The following GRM5 variants were observed in gnomAD, a reference collection of about 807,000 sequenced individuals.
GRM5 encodes the protein glutamate metabotropic receptor 5, also known as metabotropic glutamate receptor 5.
GRM5 carries 19 observed loss-of-function variants against 83.1 expected under a neutral mutation model. The observed-to-expected ratio is 0.23, with a 90% CI of 0.16 to 0.34. The LOEUF (loss-of-function observed/expected upper bound fraction) is 0.34, where lower values mean the gene tolerates loss of function less well. Among genes scored for constraint, GRM5 ranks in the 10% least tolerant of loss-of-function variants. The pLI is 1.00. For synonymous variants in GRM5, 675 were observed against 633.6 expected, an observed-to-expected ratio of 1.07 and a Z score of -0.98; for missense variants, 1,160 against 1,588.3, an observed-to-expected ratio of 0.73 and a Z score of 4.58.
intron 7 of GRM5, among the ~76,000 whole-genome samples, chr11:88,583,565 C>T (rs552685698): frequency 4.1e-4 from 63 of 152,312 alleles, no homozygotes; most frequent in African/African-American, 1.4e-3. Flanking sequence ...GCTATTTTTG[C>T]TCTTTCCTTT....
At chr11:88,696,226 C>G (rs926609359) in intron 3 of GRM5, among the ~76,000 whole-genome samples, 3 of 152,104 alleles carry the variant, frequency 2.0e-5, no homozygotes, top group Non-Finnish European at 4.4e-5. Flanking sequence ...TGTTGATGGT[C>G]TGCCAGCGTC....
intron 2 of GRM5, among the ~76,000 whole-genome samples, chr11:89,045,155 T>C (rs1941616091): frequency 6.6e-6 from 1 of 152,212 alleles, no homozygotes; most frequent in Non-Finnish European, 1.5e-5. Context: ...ATCCTGGTGG[T>C]ACAACCTAAA....
At chr11:89,062,723 G>T (rs1416852973) in intron 1 of GRM5, among the ~76,000 whole-genome samples, 1 of 152,202 alleles carries the variant, frequency 6.6e-6, no homozygotes, top group African/African-American at 2.4e-5. Context: ...CTGTAAATTC[G>T]AGTACCAGGT....
At position 88,700,775 on chromosome 11, in the gene GRM5, G is replaced by A. The variant is rs572329319; in HGVS notation, c.912-47372C>T. Among the ~76,000 whole-genome samples, 4 of 152,196 alleles carry A rather than the reference G, an allele frequency of 2.6e-5. No homozygotes were observed. The East Asian group carries it at 7.8e-4, about 30-fold the overall frequency. On this transcript the variant is annotated intron_variant, in intron 3 of 9. Coordinates refer to ENST00000305447, the MANE Select transcript of GRM5 (RefSeq NM_001143831.3). ...GGGACCCACTGGTCCTACACATTTG[G>A]CACCTACCAGAAACTGCTACACATA...
intron 2 of GRM5, among the ~76,000 whole-genome samples, chr11:88,965,568 A>G (rs1246715885): frequency 6.6e-6 from 1 of 152,178 alleles, no homozygotes; most frequent in African/African-American, 2.4e-5. Context: ...ATGGAAAGAG[A>G]TTTGACAAAC....
intron 3 of GRM5, among the ~76,000 whole-genome samples, chr11:88,819,750 C>T (rs536439294): frequency 2.8e-4 from 43 of 152,156 alleles, no homozygotes; most frequent in African/African-American, 9.2e-4. Context: ...TTAATAAGAA[C>T]ACAGATTTGT....
intron 3 of GRM5, among the ~76,000 whole-genome samples, chr11:88,691,775 CT>C (rs1402040648): frequency 6.6e-6 from 1 of 152,144 alleles, no homozygotes; most frequent in Non-Finnish European, 1.5e-5. Context: ...GGATTCTGTT[CT>C]GTTATTCTAT....
chr11:88,554,179 T>C (rs1942572772), intron 8 of GRM5, among the ~76,000 whole-genome samples: 1 of 152,112 alleles, frequency 6.6e-6, no homozygotes, highest in South Asian at 2.1e-4. Flanking sequence ...TTTCCTTGTA[T>C]TTTTCGGCTT....
intron 3 of GRM5, among the ~76,000 whole-genome samples, chr11:88,750,247 A>C (rs1231217567): frequency 6.6e-6 from 1 of 152,108 alleles, no homozygotes; most frequent in East Asian, 1.9e-4. Context: ...AGGAAAAGGG[A>C]TAGCAAGAAA....
At chr11:88,733,003 C>T (rs1941837894) in intron 3 of GRM5, among the ~76,000 whole-genome samples, 1 of 152,044 alleles carries the variant, frequency 6.6e-6, no homozygotes, top group South Asian at 2.1e-4. Context: ...TTTATTATAG[C>T]ACAATCTATT....
chr11:88,821,024 G>T (rs113583611), intron 3 of GRM5, among the ~76,000 whole-genome samples: 14 of 152,098 alleles, frequency 9.2e-5, no homozygotes, highest in African/African-American at 3.4e-4. Flanking sequence ...CAAATGGAGG[G>T]TGTTGCCTAC....
chr11:88,712,427 G>A (rs1941303071), intron 3 of GRM5, among the ~76,000 whole-genome samples: 2 of 151,952 alleles, frequency 1.3e-5, no homozygotes, highest in Non-Finnish European at 2.9e-5. Flanking sequence ...TTTAACATAT[G>A]TTTTTAGTGG....
chr11:88,771,084 G>A (rs557907095), intron 3 of GRM5, among the ~76,000 whole-genome samples: 4 of 152,188 alleles, frequency 2.6e-5, no homozygotes, highest in Middle Eastern at 6.8e-3. Context: ...GTAGCTAATA[G>A]CATAGACAGA....
chr11:88,997,927 T>C (rs1940243676), intron 2 of GRM5, among the ~76,000 whole-genome samples: 1 of 151,930 alleles, frequency 6.6e-6, no homozygotes. Flanking sequence ...AAGAGAAGAG[T>C]AGGGAGTACT....
chr11:88,947,956 G>T (rs954563999), intron 2 of GRM5, among the ~76,000 whole-genome samples: 2 of 152,138 alleles, frequency 1.3e-5, no homozygotes, highest in Non-Finnish European at 2.9e-5. Context: ...TAGTGTAGCG[G>T]TTGGCTTTCA....
chr11:88,526,434 C>G (rs1591324171), intron 8 of GRM5, among the ~76,000 whole-genome samples: 1 of 152,184 alleles, frequency 6.6e-6, no homozygotes. Flanking sequence ...ATGAAAGTCA[C>G]AAGCCTCATC....
intron 2 of GRM5, among the ~76,000 whole-genome samples, chr11:88,864,981 T>C (rs1305644387): frequency 6.6e-6 from 1 of 151,974 alleles, no homozygotes; most frequent in Non-Finnish European, 1.5e-5. Context: ...TTGATTTGCA[T>C]ATGTTGAACC....
chr11:88,675,347 C>T (rs1035244590), intron 3 of GRM5, among the ~76,000 whole-genome samples: 11 of 151,564 alleles, frequency 7.3e-5, no homozygotes, highest in African/African-American at 1.7e-4. Context: ...AGTAAATGGA[C>T]GGAGTGAGGC....
chr11:88,849,798 G>A, intron 3 of GRM5, 108 bp downstream of exon 3: 14 of 1,041,890 alleles, frequency 1.3e-5, no homozygotes, highest in Non-Finnish European at 2.0e-5. Flanking sequence ...TATTTCCACT[G>A]CACAGATTAA....
Sources: allele counts gnomAD v4.1 joint callset (sites outside exome capture counted in the v4.1 genomes callset), GRCh38; gene constraint gnomAD v4.1.1; transcripts MANE v1.5; gene names NCBI Gene and HGNC (gene_info 2026-07-23, HGNC 2026-07-21).